The following CAMTA1 variants were observed in gnomAD, a reference collection of about 807,000 sequenced individuals.
CAMTA1 encodes the protein calmodulin binding transcription activator 1.
CAMTA1 carries 27 observed loss-of-function variants against 170.9 expected under a neutral mutation model. That is an observed-to-expected ratio of 0.16 (90% CI 0.12 to 0.22). CAMTA1 has a LOEUF of 0.22. CAMTA1 is among the 10% of genes least tolerant of loss of function. The pLI, the probability that CAMTA1 is intolerant of heterozygous loss-of-function variation, is 1.00. For synonymous variants in CAMTA1, 833 were observed against 891.5 expected, an observed-to-expected ratio of 0.93 and a Z score of 1.17; for missense variants, 1,619 against 2,217.2, an observed-to-expected ratio of 0.73 and a Z score of 5.42.
At chr1:7,277,040 A>G (rs1280681395) in intron 5 of CAMTA1, among the ~76,000 whole-genome samples, 1 of 152,220 alleles carries the variant, frequency 6.6e-6, no homozygotes, top group African/African-American at 2.4e-5. Context: ...TTAAAACTAT[A>G]ACACATTGCT....
chr1:7,595,507 T>C (rs1482957679), intron 6 of CAMTA1, among the ~76,000 whole-genome samples: 2 of 152,228 alleles, frequency 1.3e-5, no homozygotes, highest in Admixed American at 1.3e-4. Flanking sequence ...CCCGCGGCTC[T>C]GCTGAATCTG....
intron 6 of CAMTA1, among the ~76,000 whole-genome samples, chr1:7,630,643 C>T (rs938753719): frequency 6.6e-6 from 1 of 152,252 alleles, no homozygotes; most frequent in African/African-American, 2.4e-5. Context: ...GGCTGCCGGC[C>T]TGACTCCTGC....
At chr1:6,957,697 A>G (rs1181521759) in intron 3 of CAMTA1, among the ~76,000 whole-genome samples, 2 of 150,998 alleles carry the variant, frequency 1.3e-5, no homozygotes, top group East Asian at 1.9e-4. Flanking sequence ...GATTGTTTCC[A>G]TCTCGAGATC....
At position 7,383,951 on chromosome 1, in the gene CAMTA1, A is replaced by G. The variant is rs186458362; in HGVS notation, c.439-83879A>G. ...CCCATTTTTCCAGTATAGTGGGAGC[A>G]AAGTCCAAAGGTGACCACAGAGCCC... is the stretch of plus-strand genomic sequence containing the variant. On this transcript the variant is annotated intron_variant, in intron 5 of 22. Coordinates refer to ENST00000303635, the MANE Select transcript of CAMTA1 (RefSeq NM_015215.4). 1.4e-3 allele frequency among the ~76,000 whole-genome samples: 214 copies of G among 152,298 alleles called. 1 individual carries two copies. Among genetic ancestry groups the G allele is most frequent in the African/African-American group, 5.1e-3 (212 of 41,572 alleles).
chr1:6,814,036 A>G (rs1645495114), intron 1 of CAMTA1, among the ~76,000 whole-genome samples: 2 of 152,200 alleles, frequency 1.3e-5, no homozygotes, highest in African/African-American at 4.8e-5. Context: ...CAGACATTGT[A>G]TTAAGTATTA....
intron 4 of CAMTA1, among the ~76,000 whole-genome samples, chr1:7,126,380 A>C (rs1240786235): frequency 6.6e-6 from 1 of 152,174 alleles, no homozygotes; most frequent in African/African-American, 2.4e-5. Flanking sequence ...GCCTCTTTCC[A>C]GGCAGCTAAT....
intron 4 of CAMTA1, among the ~76,000 whole-genome samples, chr1:7,242,811 A>AAATAAATAAAT (rs1558298021): frequency 1.1e-3 from 144 of 134,810 alleles, no homozygotes; most frequent in African/African-American, 4.4e-3. Flanking sequence ...AATAAATAAA[A>AAATAAATAAAT]ATTAGCCGGG....
intron 5 of CAMTA1, among the ~76,000 whole-genome samples, chr1:7,326,334 T>G (rs963705129): frequency 1.3e-5 from 2 of 152,216 alleles, no homozygotes; most frequent in African/African-American, 4.8e-5. Context: ...GCTGGAGAGA[T>G]AAATGTGTAC....
chr1:7,008,038 C>G (rs77669266), intron 3 of CAMTA1, among the ~76,000 whole-genome samples: 2,479 of 152,226 alleles, frequency 0.016, 166 homozygotes, highest in East Asian at 0.16. Context: ...CCCACCCCAG[C>G]CTGCGTGTTT....
chr1:6,995,454 C>T (rs1274894141), intron 3 of CAMTA1, among the ~76,000 whole-genome samples: 3 of 151,770 alleles, frequency 2.0e-5, no homozygotes, highest in Admixed American at 1.3e-4. Context: ...CAGACCTGCG[C>T]CACCACGCCC....
intron 3 of CAMTA1, among the ~76,000 whole-genome samples, chr1:6,980,984 T>C (rs991292496): frequency 6.6e-6 from 1 of 151,964 alleles, no homozygotes; most frequent in South Asian, 2.1e-4. Context: ...TCGGAAACCC[T>C]TGGAGTCAGT....
intron 3 of CAMTA1, among the ~76,000 whole-genome samples, chr1:6,854,906 T>C (rs967318649): frequency 2.0e-5 from 3 of 152,194 alleles, no homozygotes; most frequent in African/African-American, 4.8e-5. Context: ...GCAAACACCA[T>C]GTTTACTGGT....
At chr1:7,757,659 C>G (rs1382031292) in intron 22 of CAMTA1, among the ~76,000 whole-genome samples, 1 of 151,952 alleles carries the variant, frequency 6.6e-6, no homozygotes, top group Admixed American at 6.6e-5. Context: ...TCTGTTGAAC[C>G]CGGGAGGCAG....
At chr1:7,088,773 G>C (rs892796603) in intron 3 of CAMTA1, among the ~76,000 whole-genome samples, 3 of 152,280 alleles carry the variant, frequency 2.0e-5, no homozygotes, top group African/African-American at 7.2e-5. Flanking sequence ...CATGGATCAG[G>C]GGGTTCCAGC....
chr1:7,531,212 T>C (rs556084066), intron 6 of CAMTA1, among the ~76,000 whole-genome samples: 1 of 152,152 alleles, frequency 6.6e-6, no homozygotes, highest in South Asian at 2.1e-4. Flanking sequence ...GTGGGAATAG[T>C]AAAGTCCCGG....
At chr1:7,720,638 C>G (rs762277350) in intron 11 of CAMTA1, among the ~76,000 whole-genome samples, 1 of 152,144 alleles carries the variant, frequency 6.6e-6, no homozygotes, top group African/African-American at 2.4e-5. Context: ...GCCTCAGCCT[C>G]CTAAAGTGCT....
At chr1:6,819,702 G>C (rs568850809) in intron 1 of CAMTA1, among the ~76,000 whole-genome samples, 21 of 152,250 alleles carry the variant, frequency 1.4e-4, no homozygotes, top group African/African-American at 4.8e-4. Context: ...TGCAAAGAAC[G>C]GTTTCCCCCT....
intron 10 of CAMTA1, among the ~76,000 whole-genome samples, chr1:7,676,104 G>A (rs938769355): frequency 2.6e-5 from 4 of 152,232 alleles, no homozygotes; most frequent in African/African-American, 9.6e-5. Context: ...AGCGGGCTCC[G>A]ATGGGTGTAG....
intron 5 of CAMTA1, among the ~76,000 whole-genome samples, chr1:7,394,633 C>T (rs1156848105): frequency 6.6e-6 from 1 of 152,030 alleles, no homozygotes; most frequent in Non-Finnish European, 1.5e-5. Flanking sequence ...TTCTCCTATT[C>T]TGCAGCTTGT....
Sources: gnomAD v4.1 joint callset for allele counts (sites outside exome capture counted in the v4.1 genomes callset) on GRCh38, gnomAD v4.1.1 for gene constraint, MANE v1.5 for transcripts, NCBI Gene and HGNC (gene_info 2026-07-23, HGNC 2026-07-21) for gene names.